Variants in KANK4 observed in about 807,000 individuals in gnomAD.
The protein encoded by KANK4 is KN motif and ankyrin repeat domains 4.
In KANK4, 50 loss-of-function variants were observed where a neutral mutation model predicts 80.8. The ratio of observed to expected loss-of-function variants is 0.62; its 90% CI spans 0.49 to 0.78. The LOEUF is 0.78. Among genes scored for constraint, KANK4 ranks in the 30% least tolerant of loss-of-function variants. The pLI is 0.00. For synonymous variants in KANK4, 465 were observed against 506.9 expected (o/e 0.92, Z 1.11); for missense variants, 1,196 against 1,240.1 (o/e 0.96, Z 0.53).
rs1346235530 is a variant in KANK4, at chr1:62,273,688, C to T, written c.1416G>A (p.Val472=). The T allele has an allele frequency of 1.2e-6, 2 of 1,614,030 alleles. No homozygotes were observed. Among genetic ancestry groups the T allele is most frequent in the Admixed American group, 3.3e-5 (2 of 60,010 alleles). ...KQGNQSPAER[V]LLPQLSLPQG... is the part of the protein sequence containing the mutation. ...GTGGCAGTGACAGCTGGGGCAGAAG[C>T]ACACGTTCTGCTGGGCTCTGATTCC... Residue 472 remains valine, a synonymous_variant, in exon 3 of 10, where the codon GTG becomes GTA. Transcript: ENST00000371153.
In KANK4 at chr1:62,274,710, G is replaced by A. The variant is rs150207421; in HGVS notation, c.394C>T (p.Leu132=). 2.5e-6 allele frequency: 4 copies of A among 1,614,224 alleles called. No individual in the cohort carries two copies. The highest frequency in any genetic ancestry group is 1.1e-5 in the South Asian group (1 of 91,076). The change falls in exon 3 of 10, where the codon CTG becomes TTG. Residue 132 remains leucine, a synonymous_variant. Transcript: ENST00000371153. ...RSEVSYHRKA[L]LAEATRQLEA... is the part of the protein sequence containing the mutation. ...AACTGTCTGGTGGCCTCTGCCAACA[G>A]AGCCTTCCTGTGGTAGCTCACCTCA...
intron 7 of KANK4, among the ~76,000 whole-genome samples, chr1:62,261,016 G>T (rs1190273383): frequency 6.6e-6 from 1 of 152,028 alleles, no homozygotes; most frequent in Non-Finnish European, 1.5e-5. Flanking sequence ...CTAAAAATCT[G>T]CCCCAAACTG....
In KANK4 at chr1:62,274,343, A is replaced by G. The variant is rs745431696; in HGVS notation, c.761T>C (p.Phe254Ser). 5.0e-6 allele frequency: 8 copies of G among 1,614,108 alleles called. No homozygotes were observed. In the Admixed American group the frequency reaches 1.3e-4, roughly 27 times the overall value. ...CTCTAGAACTACAAGCACATTCTGG[A>G]ATGAGAAAGGAGGGCCTGGGAGAGG... is the stretch of plus-strand genomic sequence containing the variant. ...HLPLPGPPFSFQNVLVVLEDK... is the reference protein window; with the variant it reads ...HLPLPGPPFSSQNVLVVLEDK... The change falls in exon 3 of 10, where the codon TTC becomes TCC. Residue 254 changes from phenylalanine to serine, a missense_variant. Phe to Ser is a radical substitution (Grantham distance 155). Coordinates refer to ENST00000371153, the MANE Select transcript of KANK4 (RefSeq NM_181712.5).
At chr1:62,275,233 T>C in intron 2 of KANK4, 146 bp from the exon 3 acceptor site, 1 of 632,880 alleles carries the variant, frequency 1.6e-6, no homozygotes. Flanking sequence ...TATGCTGAGA[T>C]GCTCAGTCTT....
chr1:62,249,452 C>T (rs2149120674), intron 8 of KANK4, among the ~76,000 whole-genome samples: 1 of 151,586 alleles, frequency 6.6e-6, no homozygotes, highest in Admixed American at 6.6e-5. Context: ...GATCGCGACT[C>T]ACTGCAACCT....
intron 8 of KANK4, 147 bp downstream of exon 8, chr1:62,252,920 A>G (rs1294390718): frequency 2.1e-6 from 2 of 963,492 alleles, no homozygotes; most frequent in Non-Finnish European, 3.1e-6. Flanking sequence ...CTGAATATTC[A>G]GGCTTTGCCT....
chr1:62,303,154 TA>T (rs1195252586), intron 1 of KANK4, among the ~76,000 whole-genome samples: 2 of 144,404 alleles, frequency 1.4e-5, no homozygotes, highest in Admixed American at 1.4e-4. Flanking sequence ...TCAGTGAGGA[TA>T]CTGGGATGAG....
At chr1:62,260,236 A>G (rs1157244786) in intron 7 of KANK4, among the ~76,000 whole-genome samples, 2 of 151,952 alleles carry the variant, frequency 1.3e-5, no homozygotes, top group East Asian at 3.9e-4. Flanking sequence ...CTCCTCCCAG[A>G]CCTTGCTTTG....
At chr1:62,304,397 T>C (rs774790833) in intron 1 of KANK4, among the ~76,000 whole-genome samples, 16 of 151,824 alleles carry the variant, frequency 1.1e-4, no homozygotes, top group Non-Finnish European at 2.4e-4. Context: ...GTGCCACTGA[T>C]GGGGGCAAGA....
Position 62,263,219 on chromosome 1 carries a change from C to CTCGTGGAGGTAGGAGGCCACCA in KANK4, c.2390_2411dup (p.Glu804AspfsTer78). ...GGAAGTGTGGGGAGTGAGGCTGGAC[C>CTCGTGGAGGTAGGAGGCCACCA]TCGTGGAGGTAGGAGGCCACCACGG... On this transcript the variant is annotated frameshift_variant, in exon 7 of 10. Coordinates refer to ENST00000371153, the MANE Select transcript of KANK4 (RefSeq NM_181712.5). LOFTEE classifies it high-confidence loss of function. The CTCGTGGAGGTAGGAGGCCACCA allele has an allele frequency of 1.9e-6, 3 of 1,613,932 alleles. No individual in the cohort carries two copies. The highest frequency in any genetic ancestry group is 2.5e-6 in the Non-Finnish European group (3 of 1,179,998).
chr1:62,312,073 A>T (rs867896214), intron 1 of KANK4, among the ~76,000 whole-genome samples: 1 of 152,224 alleles, frequency 6.6e-6, no homozygotes. Context: ...TTAAAAATGC[A>T]TAAAATAAAA....
intron 4 of KANK4, among the ~76,000 whole-genome samples, chr1:62,268,925 C>G (rs1672094498): frequency 6.6e-6 from 1 of 152,202 alleles, no homozygotes; most frequent in Non-Finnish European, 1.5e-5. Flanking sequence ...TCCCCACCTC[C>G]ACCCTGAATT....
In KANK4 at chr1:62,298,440, G is replaced by A. The variant is rs867304642; in HGVS notation, c.-70-16806C>T. Among the ~76,000 whole-genome samples, 9 of 152,312 alleles carry A rather than the reference G, an allele frequency of 5.9e-5. 1 individual carries two copies. In the Middle Eastern group the frequency reaches 0.017, roughly 288 times the overall value. On this transcript the variant is annotated intron_variant, in intron 1 of 9. Transcript: ENST00000371153. ...ATGCAGATGCTGATTTGGTGGGTCT[G>A]GAGTGGGGCCTCATAGTTGGCATTT...
intron 9 of KANK4, among the ~76,000 whole-genome samples, chr1:62,238,833 T>C (rs995623839): frequency 5.9e-5 from 9 of 152,246 alleles, no homozygotes; most frequent in Non-Finnish European, 1.2e-4. Context: ...TGTCACCATG[T>C]TGCCCAGGCT....
intron 4 of KANK4, among the ~76,000 whole-genome samples, chr1:62,268,983 T>G (rs1672095542): frequency 6.6e-6 from 1 of 152,186 alleles, no homozygotes; most frequent in African/African-American, 2.4e-5. Flanking sequence ...GACCGAGACC[T>G]CCCTTCAGAC....
chr1:62,261,841 T>C (rs1373867419), intron 7 of KANK4, among the ~76,000 whole-genome samples: 2 of 152,218 alleles, frequency 1.3e-5, no homozygotes, highest in Non-Finnish European at 2.9e-5. Flanking sequence ...CCTGGAAGAC[T>C]GTCTGCCTGC....
intron 8 of KANK4, among the ~76,000 whole-genome samples, chr1:62,252,017 T>C (rs980188835): frequency 6.8e-6 from 1 of 147,570 alleles, no homozygotes; most frequent in Non-Finnish European, 1.5e-5. Flanking sequence ...AGATTCAGAG[T>C]ACCCAGTCTT....
At position 62,266,868 on chromosome 1, in the gene KANK4, T is replaced by C. The variant is rs781398978; in HGVS notation, c.2232-49A>G. On this transcript the variant is annotated intron_variant, in intron 5 of 9. Coordinates refer to ENST00000371153, the MANE Select transcript of KANK4 (RefSeq NM_181712.5). ...ACATATTTATATAATCATTTTCAAG[T>C]TGATAAACAAGACTTTCACTCTCCT... 19 of 1,197,750 alleles carry C rather than the reference T, an allele frequency of 1.6e-5. No individual in the cohort carries two copies. The Admixed American group carries it at 3.6e-4, about 23-fold the overall frequency. 74.2% of individuals were successfully genotyped at this position (1,197,750 alleles called of 1,614,324 possible).
intron 7 of KANK4, among the ~76,000 whole-genome samples, chr1:62,257,676 G>A (rs1487120991): frequency 2.0e-5 from 3 of 152,074 alleles, no homozygotes; most frequent in Admixed American, 6.5e-5. Context: ...AGGTTTGAGA[G>A]TGTGACAGAT....
Sources: allele counts gnomAD v4.1 joint callset (sites outside exome capture counted in the v4.1 genomes callset), GRCh38; gene constraint gnomAD v4.1.1; transcripts MANE v1.5; gene names NCBI Gene and HGNC (gene_info 2026-07-23, HGNC 2026-07-21).